KATNBL1: variants seen among roughly 807,000 people sequenced by gnomAD.
The protein encoded by KATNBL1 is katanin regulatory subunit B1 like 1.
KATNBL1 carries 28 observed loss-of-function variants against 44.7 expected under a neutral mutation model. The observed-to-expected ratio is 0.63, with a 90% CI of 0.46 to 0.86. The LOEUF (loss-of-function observed/expected upper bound fraction) is 0.86, where lower values mean the gene tolerates loss of function less well. KATNBL1 is among the 40% of genes least tolerant of loss of function. The pLI, the probability that KATNBL1 is intolerant of heterozygous loss-of-function variation, is 0.00. For missense variants in KATNBL1, 272 were observed against 350.7 expected (o/e 0.78, Z 1.79); for synonymous variants, 78 against 114.9 (o/e 0.68, Z 2.06).
chr15:34,184,088 G>A (rs570453056), intron 1 of KATNBL1, among the ~76,000 whole-genome samples: 29 of 152,272 alleles, frequency 1.9e-4, no homozygotes, highest in African/African-American at 6.7e-4. Flanking sequence ...TGGATTACGA[G>A]GTCAGGAGAT....
chr15:34,172,676 G>A (rs1157438366), intron 1 of KATNBL1, among the ~76,000 whole-genome samples: 7 of 151,678 alleles, frequency 4.6e-5, no homozygotes, highest in African/African-American at 1.5e-4. Flanking sequence ...TACACTCCAG[G>A]GAAGAGTACA....
At chr15:34,153,575 ATTT>A (rs902893247) in intron 3 of KATNBL1, among the ~76,000 whole-genome samples, 1 of 146,984 alleles carries the variant, frequency 6.8e-6, no homozygotes, top group African/African-American at 2.5e-5. Flanking sequence ...TGACTCAAAA[ATTT>A]TTTTTTTTTT....
intron 1 of KATNBL1, among the ~76,000 whole-genome samples, chr15:34,165,272 G>A (rs1381297550): frequency 1.3e-5 from 2 of 152,128 alleles, no homozygotes; most frequent in African/African-American, 2.4e-5. Flanking sequence ...GCTAGAGATA[G>A]AAGTTAGATC....
At chr15:34,153,536 C>T (rs898977032) in intron 3 of KATNBL1, among the ~76,000 whole-genome samples, 3 of 152,024 alleles carry the variant, frequency 2.0e-5, no homozygotes, top group East Asian at 1.9e-4. Context: ...TTTAGTGTCA[C>T]GATGCTTTGC....
chr15:34,186,884 G>A (rs1889732157), intron 1 of KATNBL1, among the ~76,000 whole-genome samples: 1 of 152,232 alleles, frequency 6.6e-6, no homozygotes, highest in South Asian at 2.1e-4. Flanking sequence ...AAGGAAGGGG[G>A]CTGGGCTGCC....
intron 3 of KATNBL1, among the ~76,000 whole-genome samples, chr15:34,153,366 CACA>C (rs1203546645): frequency 1.3e-5 from 2 of 152,066 alleles, no homozygotes; most frequent in Non-Finnish European, 2.9e-5. Flanking sequence ...GTAAGAAGAC[CACA>C]ACATTTTCTA....
intron 1 of KATNBL1, among the ~76,000 whole-genome samples, chr15:34,190,008 G>A (rs1328661054): frequency 4.6e-5 from 7 of 150,566 alleles, no homozygotes; most frequent in African/African-American, 7.3e-5. Context: ...GCAGTGGCAC[G>A]ATCTCGGCTC....
rs140301533 is a variant in KATNBL1 at position 34,143,172 on chromosome 15, C to A, written c.883-801G>T. 2.7e-4 allele frequency: 119 copies of A among 446,602 alleles called. 1 individual carries two copies. The highest frequency in any genetic ancestry group is 2.4e-3 in the African/African-American group (109 of 45,188). 27.7% of individuals were successfully genotyped at this position (446,602 alleles called of 1,614,324 possible). A position where few individuals can be genotyped will look rare whatever the true frequency, so the allele number is the denominator to read the frequency against. On this transcript the variant is annotated intron_variant, in intron 9 of 9. Transcript: ENST00000256544. ...AGTCATATTCACAATAAAGCTTTTC[C>A]CTTTGTAAAAAACTGATTGTGGCCG...
At chr15:34,209,307 T>A (rs529747837) in intron 1 of KATNBL1, 1 of 152,300 alleles carries the variant, frequency 6.6e-6, no homozygotes, top group South Asian at 2.1e-4. Context: ...GAAACTGACA[T>A]AGGTATCTCT....
intron 9 of KATNBL1, among the ~76,000 whole-genome samples, chr15:34,144,391 G>T (rs1315723351): frequency 6.6e-6 from 1 of 150,894 alleles, no homozygotes; most frequent in African/African-American, 2.4e-5. Flanking sequence ...TTATAACTAA[G>T]TCCATGACAT....
intron 2 of KATNBL1, among the ~76,000 whole-genome samples, chr15:34,162,592 A>T (rs574770058): frequency 1.3e-5 from 2 of 152,320 alleles, no homozygotes; most frequent in South Asian, 4.1e-4. Context: ...AGTGAGTTAA[A>T]TTTTAATCTC....
chr15:34,154,006 A>C (rs1156829410), intron 3 of KATNBL1, among the ~76,000 whole-genome samples: 2 of 152,246 alleles, frequency 1.3e-5, no homozygotes, highest in African/African-American at 4.8e-5. Context: ...ATTTTCTAAA[A>C]TAATTTTTTA....
At chr15:34,151,895 T>A (rs1418608020) in intron 4 of KATNBL1, among the ~76,000 whole-genome samples, 1 of 152,020 alleles carries the variant, frequency 6.6e-6, no homozygotes, top group Non-Finnish European at 1.5e-5. Flanking sequence ...CCAGGCAATA[T>A]TGAGAGCCCG....
Position 34,147,368 on chromosome 15 carries a change from T to C in KATNBL1, c.608+12A>G. On this transcript the variant is annotated intron_variant, in intron 6 of 9. Coordinates refer to ENST00000256544, the MANE Select transcript of KATNBL1 (RefSeq NM_024713.3). The stretch of plus-strand genomic sequence containing the variant: ...TTAATCTTATTTTTTTTCTGAAAAA[T>C]ATTGTTTTTACCAATTGGTGAGCAC... 5.6e-6 allele frequency: 9 copies of C among 1,611,084 alleles called. No individual in the cohort carries two copies. The highest frequency in any genetic ancestry group is 7.6e-6 in the Non-Finnish European group (9 of 1,177,508).
intron 1 of KATNBL1, among the ~76,000 whole-genome samples, chr15:34,169,135 A>G (rs2140941513): frequency 6.6e-6 from 1 of 152,344 alleles, no homozygotes; most frequent in Admixed American, 6.5e-5. Flanking sequence ...TTCAAAAAAA[A>G]TCAATGAATC....
intron 4 of KATNBL1, among the ~76,000 whole-genome samples, chr15:34,151,597 G>A (rs1053193992): frequency 9.9e-5 from 15 of 150,934 alleles, no homozygotes; most frequent in Non-Finnish European, 2.1e-4. Flanking sequence ...CATTACAGGC[G>A]TGCACCACCA....
rs1374212861 is a variant in KATNBL1 at position 34,157,667 on chromosome 15, C to T, written c.118-2983G>A. Reference sequence around the variant, plus strand: ...GCCAACATCTCTCTGAGGAGCAGTTCGGATTCTCAACAGGGCAATGGGAAG... The same window carrying T: ...GCCAACATCTCTCTGAGGAGCAGTTTGGATTCTCAACAGGGCAATGGGAAG... On this transcript the variant is annotated intron_variant, in intron 2 of 9. Transcript: ENST00000256544. Among the ~76,000 whole-genome samples, 6 of 152,308 alleles carry T rather than the reference C, an allele frequency of 3.9e-5. No individual in the cohort carries two copies. The East Asian group carries it at 1.2e-3, about 29-fold the overall frequency.
Position 34,152,869 on chromosome 15 carries a change from G to A in KATNBL1, c.359C>T (p.Thr120Ile). 1.9e-6 allele frequency: 3 copies of A among 1,613,806 alleles called. No individual in the cohort carries two copies. Among genetic ancestry groups the A allele is most frequent in the Non-Finnish European group, 2.5e-6 (3 of 1,179,718 alleles). Residue 120 changes from threonine (T) to isoleucine (I), a missense_variant, in exon 4 of 10, where the codon ACA (threonine) becomes ATA (isoleucine). By Grantham distance (89) the Thr-to-Ile change is moderately conservative. Transcript: ENST00000256544. ...AGAATCACTGGAGTTAACCAAATAT[G>A]TTCGACTATCATGGTGTAATTTTTC... ...LPEKLHHDSR[T>I]YLVNSSDSGS...
chr15:34,184,966 A>C (rs1889679152), intron 1 of KATNBL1, among the ~76,000 whole-genome samples: 1 of 151,688 alleles, frequency 6.6e-6, no homozygotes, highest in South Asian at 2.1e-4. Context: ...ACTTGAGTTC[A>C]AATCTTCCTC....
Sources: allele counts gnomAD v4.1 joint callset (sites outside exome capture counted in the v4.1 genomes callset), GRCh38; gene constraint gnomAD v4.1.1; transcripts MANE v1.5; gene names NCBI Gene and HGNC (gene_info 2026-07-23, HGNC 2026-07-21).